Variants in RORA observed in about 807,000 individuals in gnomAD.
RORA encodes RAR related orphan receptor A, also known as nuclear receptor ROR-alpha.
Under a neutral mutation model 69.5 loss-of-function variants are expected in RORA, and 7 were observed. The ratio of observed to expected loss-of-function variants is 0.10; its 90% confidence interval spans 0.06 to 0.19. The LOEUF is 0.19. Among genes scored for constraint, RORA ranks in the 10% least tolerant of loss-of-function variants. The probability of loss-of-function intolerance (pLI) is 1.00; values close to 1 mark genes in which losing one functional copy is unlikely to be tolerated. For synonymous variants in RORA, 261 were observed against 240.8 expected (o/e 1.08, Z -0.78); for missense variants, 457 against 663.0 (o/e 0.69, Z 3.41).
chr15:60,890,062 C>T (rs1009531084), intron 1 of RORA, among the ~76,000 whole-genome samples: 2 of 152,164 alleles, frequency 1.3e-5, no homozygotes, highest in Non-Finnish European at 2.9e-5. Context: ...TTGGGATTCT[C>T]GGAGTCTATC....
intron 3 of RORA, among the ~76,000 whole-genome samples, chr15:60,517,151 T>C (rs929659322): frequency 1.5e-4 from 23 of 150,436 alleles, no homozygotes; most frequent in African/African-American, 5.7e-4. Flanking sequence ...GATGGGAAGT[T>C]ATGGTGGGCA....
intron 1 of RORA, among the ~76,000 whole-genome samples, chr15:61,165,387 T>C (rs2079532641): frequency 6.6e-6 from 1 of 152,222 alleles, no homozygotes; most frequent in African/African-American, 2.4e-5. Flanking sequence ...CCAGAGCATT[T>C]CTGTGATTTT....
chr15:60,859,424 C>G (rs183281331), intron 1 of RORA, among the ~76,000 whole-genome samples: 211 of 151,440 alleles, frequency 1.4e-3, no homozygotes, highest in African/African-American at 5.0e-3. Context: ...GTGAGAAGTA[C>G]AGAGATCTCG....
At chr15:61,005,259 C>G (rs1190000626) in intron 1 of RORA, among the ~76,000 whole-genome samples, 3 of 152,118 alleles carry the variant, frequency 2.0e-5, no homozygotes, top group Non-Finnish European at 4.4e-5. Context: ...GCAGGCTGAT[C>G]ATTTGAGGTC....
intron 1 of RORA, among the ~76,000 whole-genome samples, chr15:60,949,368 A>G (rs888551826): frequency 5.3e-5 from 8 of 152,206 alleles, no homozygotes; most frequent in Non-Finnish European, 1.0e-4. Flanking sequence ...AAACCTCTCA[A>G]TATGGAGCTA....
chr15:60,835,916 A>G (rs1007551420), intron 1 of RORA, among the ~76,000 whole-genome samples: 2 of 152,194 alleles, frequency 1.3e-5, no homozygotes, highest in African/African-American at 4.8e-5. Context: ...TTAAAAACAA[A>G]TAGCTTCCCT....
At chr15:60,929,222 TCA>T (rs1316234123) in intron 1 of RORA, among the ~76,000 whole-genome samples, 2 of 152,190 alleles carry the variant, frequency 1.3e-5, no homozygotes, top group African/African-American at 2.4e-5. Context: ...AAGCGCTCAT[TCA>T]CAGTCTGGTG....
chr15:60,825,496 A>G (rs2072944001), intron 1 of RORA, among the ~76,000 whole-genome samples: 1 of 152,200 alleles, frequency 6.6e-6, no homozygotes, highest in Non-Finnish European at 1.5e-5. Context: ...AGTTCCATAG[A>G]GGGTTTGATT....
intron 1 of RORA, among the ~76,000 whole-genome samples, chr15:60,917,772 G>T (rs16943318): frequency 7.9e-5 from 12 of 152,150 alleles, no homozygotes; most frequent in African/African-American, 1.9e-4. Flanking sequence ...TTTCCCTCAC[G>T]CATCTGAAGC....
intron 1 of RORA, among the ~76,000 whole-genome samples, chr15:60,788,410 C>T (rs568709603): frequency 7.0e-4 from 107 of 152,288 alleles, no homozygotes; most frequent in African/African-American, 2.4e-3. Context: ...GAACGCACAG[C>T]TCAAGACATT....
chr15:61,190,614 G>GGC (rs1263439214), intron 1 of RORA, among the ~76,000 whole-genome samples: 2 of 148,780 alleles, frequency 1.3e-5, no homozygotes, highest in Non-Finnish European at 3.0e-5. Context: ...TACAATGGGA[G>GGC]TCTAAGGGAG....
intron 1 of RORA, among the ~76,000 whole-genome samples, chr15:60,965,441 T>C (rs1267604069): frequency 6.6e-6 from 1 of 152,208 alleles, no homozygotes; most frequent in Non-Finnish European, 1.5e-5. Context: ...AGCAATGGTC[T>C]CTGTACACTG....
intron 1 of RORA, among the ~76,000 whole-genome samples, chr15:61,200,798 G>T (rs1349796730): frequency 6.6e-6 from 1 of 152,164 alleles, no homozygotes; most frequent in South Asian, 2.1e-4. Context: ...TCCCAAGGTA[G>T]ATTCACTCTG....
intron 1 of RORA, among the ~76,000 whole-genome samples, chr15:60,800,127 C>T (rs949388991): frequency 6.6e-6 from 1 of 152,214 alleles, no homozygotes; most frequent in Non-Finnish European, 1.5e-5. Context: ...AGAGTATTTA[C>T]ACCACAGAAA....
chr15:60,811,549 C>T (rs2072742948), intron 1 of RORA, among the ~76,000 whole-genome samples: 1 of 152,200 alleles, frequency 6.6e-6, no homozygotes, highest in South Asian at 2.1e-4. Flanking sequence ...ATTTAATCTG[C>T]TATCTCTAAC....
At chr15:60,502,669 G>A (rs955136587) in intron 8 of RORA, 91 bp downstream of exon 8, 1 of 839,042 alleles carries the variant, frequency 1.2e-6, no homozygotes, top group Admixed American at 2.3e-5. Context: ...TCTAAATAAA[G>A]TTTTCATTTT....
intron 1 of RORA, among the ~76,000 whole-genome samples, chr15:61,041,919 T>G (rs993550936): frequency 6.6e-6 from 1 of 152,238 alleles, no homozygotes; most frequent in African/African-American, 2.4e-5. Flanking sequence ...GGTACCTCTA[T>G]GCCCTTTTCA....
rs536814402 is a variant in RORA at position 60,722,928 on chromosome 15, G to T, written c.167-44242C>A. Among the ~76,000 whole-genome samples the T allele has an allele frequency of 2.6e-5, 4 of 152,254 alleles. No homozygotes were observed. In the South Asian group the frequency reaches 6.2e-4, roughly 24 times the overall value. On this transcript the variant is annotated intron_variant, in intron 1 of 10. Transcript: ENST00000335670. ...GGGTGCAGTGAGTCAGGCAGCCAAAGTAATCCTGCAGGTGAGCATGTTGCC... is the reference window on the plus strand; with the variant it reads ...GGGTGCAGTGAGTCAGGCAGCCAAATTAATCCTGCAGGTGAGCATGTTGCC...
chr15:61,104,206 G>A (rs2078919866), intron 1 of RORA, among the ~76,000 whole-genome samples: 1 of 152,114 alleles, frequency 6.6e-6, no homozygotes, highest in Admixed American at 6.6e-5. Context: ...CTGTTCTCCT[G>A]GTCACATCAA....
Sources: gnomAD v4.1 joint callset for allele counts (sites outside exome capture counted in the v4.1 genomes callset) on GRCh38, gnomAD v4.1.1 for gene constraint, MANE v1.5 for transcripts, NCBI Gene and HGNC (gene_info 2026-07-23, HGNC 2026-07-21) for gene names.